NPAS3: variants seen among roughly 807,000 people sequenced by gnomAD.
NPAS3 encodes the protein neuronal PAS domain protein 3, also known as neuronal PAS domain-containing protein 3.
NPAS3 carries 14 observed loss-of-function variants against 73.1 expected under a neutral mutation model. The observed-to-expected ratio is 0.19, with a 90% CI of 0.13 to 0.30. NPAS3 has a LOEUF of 0.30. Ranked by LOEUF, NPAS3 falls within the 10% of genes least tolerant of loss-of-function variation. NPAS3 has a pLI of 1.00. For synonymous variants in NPAS3, 620 were observed against 541.5 expected, an observed-to-expected ratio of 1.14 and a Z score of -2.01; for missense variants, 1,096 against 1,250.0, an observed-to-expected ratio of 0.88 and a Z score of 1.86.
chr14:33,281,386 T>C (rs2041599703), intron 3 of NPAS3, among the ~76,000 whole-genome samples: 2 of 152,184 alleles, frequency 1.3e-5, no homozygotes, highest in African/African-American at 4.8e-5. Flanking sequence ...ATCCCAGCAC[T>C]TTGGGAGGAC....
At chr14:33,635,158 C>A (rs927298103) in intron 5 of NPAS3, among the ~76,000 whole-genome samples, 8 of 152,160 alleles carry the variant, frequency 5.3e-5, no homozygotes, top group African/African-American at 1.9e-4. Context: ...CATTTAAAGA[C>A]AGGTGAGTGT....
intron 1 of NPAS3, among the ~76,000 whole-genome samples, chr14:32,994,999 A>G (rs17099817): frequency 0.016 from 2,418 of 152,256 alleles, 64 homozygotes; most frequent in African/African-American, 0.055. Flanking sequence ...CTGTCTTTGG[A>G]GCAATTGTTA....
At chr14:33,684,303 T>G in intron 6 of NPAS3, among the ~76,000 whole-genome samples, 1 of 151,994 alleles carries the variant, frequency 6.6e-6, no homozygotes, top group East Asian at 1.9e-4. Context: ...TTGCTCTCAT[T>G]ATTTCTTTTC....
At chr14:33,663,144 G>A (rs1031068000) in intron 5 of NPAS3, among the ~76,000 whole-genome samples, 2 of 152,032 alleles carry the variant, frequency 1.3e-5, no homozygotes. Context: ...TCCTTGTCTT[G>A]TGCCAGTTTT....
intron 2 of NPAS3, among the ~76,000 whole-genome samples, chr14:33,074,765 C>T (rs555069341): frequency 1.6e-4 from 25 of 152,248 alleles, no homozygotes; most frequent in African/African-American, 5.8e-4. Flanking sequence ...GGAATAGCTA[C>T]GTAAATGTGT....
intron 1 of NPAS3, among the ~76,000 whole-genome samples, chr14:33,023,820 A>G (rs147494939): frequency 2.4e-4 from 36 of 152,302 alleles, no homozygotes; most frequent in African/African-American, 7.7e-4. Flanking sequence ...CAGACCATGC[A>G]AAAATCCATC....
At chr14:33,037,970 C>T (rs896440270) in intron 1 of NPAS3, among the ~76,000 whole-genome samples, 2 of 152,130 alleles carry the variant, frequency 1.3e-5, no homozygotes, top group African/African-American at 4.8e-5. Flanking sequence ...ATAGAAGCAC[C>T]ATGTCACTTG....
intron 3 of NPAS3, among the ~76,000 whole-genome samples, chr14:33,346,103 G>A (rs960641958): frequency 5.3e-5 from 8 of 151,724 alleles, no homozygotes; most frequent in Non-Finnish European, 1.0e-4. Flanking sequence ...ATGGTGGCAC[G>A]TGCCTGTAAT....
chr14:33,133,754 G>A (rs7157155), intron 2 of NPAS3, among the ~76,000 whole-genome samples: 64,069 of 151,910 alleles, frequency 0.42, 13,682 homozygotes, highest in Non-Finnish European at 0.44. Flanking sequence ...TCTATCTTAT[G>A]TGGCCTTTTT....
chr14:33,245,612 T>C lies in NPAS3; in HGVS notation c.385+30186T>C, dbSNP rs181008839. ...AGGAGTAAATTACCAGATAGGAATA[T>C]GAAATGGATATGCTCTATCCACCCT... On this transcript the variant is annotated intron_variant, in intron 3 of 11. Coordinates refer to ENST00000356141, the Ensembl canonical transcript of NPAS3. Among the ~76,000 whole-genome samples the C allele has an allele frequency of 6.6e-4, 101 of 152,328 alleles. 2 individuals are homozygous for C. The highest frequency in any genetic ancestry group is 6.3e-4 in the Non-Finnish European group (43 of 68,034).
chr14:33,087,235 A>ATACAATATTG (rs747089463), intron 2 of NPAS3, among the ~76,000 whole-genome samples: 12,513 of 119,076 alleles, frequency 0.11, 1,118 homozygotes, highest in African/African-American at 0.22. Context: ...AATATATATT[A>ATACAATATTG]TACAATATTG....
chr14:33,097,154 G>A (rs1018233760), intron 2 of NPAS3, among the ~76,000 whole-genome samples: 3 of 152,018 alleles, frequency 2.0e-5, no homozygotes, highest in African/African-American at 7.2e-5. Context: ...AATGCAGGAG[G>A]ATCGCCTGAG....
chr14:33,328,997 T>G (rs1227709605), intron 3 of NPAS3, among the ~76,000 whole-genome samples: 1 of 152,242 alleles, frequency 6.6e-6, no homozygotes, highest in Non-Finnish European at 1.5e-5. Context: ...GTTCCTAACA[T>G]GTAAGGACTT....
At chr14:33,282,233 T>C (rs975427886) in intron 3 of NPAS3, among the ~76,000 whole-genome samples, 3 of 152,248 alleles carry the variant, frequency 2.0e-5, no homozygotes, top group African/African-American at 7.2e-5. Context: ...ACACCAAATA[T>C]TTTAATAATT....
At chr14:33,488,622 A>G (rs1029743517) in intron 4 of NPAS3, among the ~76,000 whole-genome samples, 1 of 152,060 alleles carries the variant, frequency 6.6e-6, no homozygotes, top group African/African-American at 2.4e-5. Context: ...GCTGGCTCAG[A>G]GTGTTTTGGG....
intron 2 of NPAS3, chr14:33,214,744 A>C (rs1452816027): frequency 6.4e-6 from 1 of 156,742 alleles, no homozygotes; most frequent in African/African-American, 2.4e-5. Context: ...GAATTTTTCA[A>C]AATAGTTCCT....
intron 3 of NPAS3, among the ~76,000 whole-genome samples, chr14:33,245,461 C>G (rs1445104501): frequency 1.3e-5 from 2 of 152,158 alleles, no homozygotes; most frequent in East Asian, 3.9e-4. Flanking sequence ...CTCTTCTCCC[C>G]TCAATCAGAT....
At chr14:33,486,121 T>A (rs1445243179) in intron 4 of NPAS3, among the ~76,000 whole-genome samples, 1 of 151,962 alleles carries the variant, frequency 6.6e-6, no homozygotes, top group African/African-American at 2.4e-5. Context: ...AATGTAAACA[T>A]CTTTTACCCA....
At chr14:33,088,169 G>C (rs1307424252) in intron 2 of NPAS3, among the ~76,000 whole-genome samples, 1 of 152,210 alleles carries the variant, frequency 6.6e-6, no homozygotes, top group Non-Finnish European at 1.5e-5. Flanking sequence ...TCATCTCACT[G>C]GGGCTTGTCA....
Sources: allele counts gnomAD v4.1 joint callset (sites outside exome capture counted in the v4.1 genomes callset), GRCh38; gene constraint gnomAD v4.1.1; transcripts MANE v1.5; gene names NCBI Gene and HGNC (gene_info 2026-07-23, HGNC 2026-07-21).